The following CHODL variants were observed in gnomAD, a reference collection of about 807,000 sequenced individuals.
CHODL encodes the protein transmembrane protein MT75.
A neutral mutation model predicts 34.5 loss-of-function variants in CHODL; 29 were observed. The observed-to-expected ratio is 0.84, with a 90% CI of 0.63 to 1.15. The LOEUF is 1.15. Ranked by LOEUF, CHODL falls within the 50% of genes most tolerant of loss-of-function variation. The pLI is 0.00. For missense variants in CHODL, 332 were observed against 332.5 expected (o/e 1.00, Z 0.01); for synonymous variants, 125 against 116.1 (o/e 1.08, Z -0.49).
intron 1 of CHODL, chr21:17,917,532 G>A (rs774858791): frequency 1.3e-5 from 2 of 152,046 alleles, no homozygotes; most frequent in Non-Finnish European, 2.9e-5. Context: ...AAGGTGGAAG[G>A]AGTGTACCAG....
At chr21:18,248,673 C>CATATATGTATATATTATATACAT (rs1370047042) in intron 1 of CHODL, among the ~76,000 whole-genome samples, 9,199 of 107,150 alleles carry the variant, frequency 0.086, 533 homozygotes, top group Middle Eastern at 0.13. Flanking sequence ...ATGTATAATA[C>CATATATGTATATATTATATACAT]ATATATGTAT....
At chr21:18,129,181 C>T (rs184607625) in intron 2 of CHODL, among the ~76,000 whole-genome samples, 81 of 151,830 alleles carry the variant, frequency 5.3e-4, no homozygotes, top group Middle Eastern at 6.9e-3. Context: ...TAATGAAGTT[C>T]TACCATATAA....
chr21:17,958,581 C>T (rs2063509587), intron 1 of CHODL, among the ~76,000 whole-genome samples: 1 of 152,132 alleles, frequency 6.6e-6, no homozygotes, highest in Non-Finnish European at 1.5e-5. Context: ...TTCCATCAGA[C>T]ACTTGGTAGG....
At chr21:18,062,973 T>C (rs1216793339) in intron 2 of CHODL, among the ~76,000 whole-genome samples, 2 of 152,194 alleles carry the variant, frequency 1.3e-5, no homozygotes, top group Non-Finnish European at 2.9e-5. Flanking sequence ...AATGCTATCC[T>C]ATGATATATG....
intron 2 of CHODL, among the ~76,000 whole-genome samples, chr21:18,081,538 A>G (rs993710542): frequency 2.0e-5 from 3 of 152,036 alleles, no homozygotes; most frequent in African/African-American, 7.2e-5. Flanking sequence ...AAAATTAGCC[A>G]GGCATGGTGA....
intron 1 of CHODL, among the ~76,000 whole-genome samples, chr21:17,936,441 T>C (rs2063319760): frequency 1.3e-5 from 2 of 148,958 alleles, no homozygotes; most frequent in South Asian, 4.3e-4. Flanking sequence ...TTTTATGAAA[T>C]TAAAGATAGT....
At chr21:18,131,578 T>C (rs1034227020) in intron 2 of CHODL, among the ~76,000 whole-genome samples, 1 of 152,220 alleles carries the variant, frequency 6.6e-6, no homozygotes, top group Non-Finnish European at 1.5e-5. Context: ...GTAATTTAAG[T>C]ATGCAATATT....
chr21:18,246,108 C>A, intron 1 of CHODL: 1 of 673,846 alleles, frequency 1.5e-6, no homozygotes, highest in Non-Finnish European at 2.6e-6. Context: ...AATTACTCTC[C>A]CTTACTTTTT....
At chr21:18,210,577 C>A (rs772842606) in intron 2 of CHODL, among the ~76,000 whole-genome samples, 2 of 152,150 alleles carry the variant, frequency 1.3e-5, no homozygotes, top group Non-Finnish European at 2.9e-5. Flanking sequence ...TCTGCCTGCT[C>A]AGGTTAAAAA....
At chr21:17,958,289 GT>G (rs1053545049) in intron 1 of CHODL, among the ~76,000 whole-genome samples, 2 of 151,942 alleles carry the variant, frequency 1.3e-5, no homozygotes, top group African/African-American at 4.8e-5. Flanking sequence ...TATATTTTAT[GT>G]TTTTTGCCTT....
At chr21:18,107,243 T>C (rs772012636) in intron 2 of CHODL, among the ~76,000 whole-genome samples, 7 of 152,234 alleles carry the variant, frequency 4.6e-5, no homozygotes, top group Non-Finnish European at 1.0e-4. Context: ...GTTGCTCTTA[T>C]AGCAGCTGTA....
At chr21:18,264,194 G>A (rs1293996884) in intron 5 of CHODL, among the ~76,000 whole-genome samples, 2 of 152,108 alleles carry the variant, frequency 1.3e-5, no homozygotes, top group Non-Finnish European at 2.9e-5. Flanking sequence ...GAGGGGATGG[G>A]GAGACGCCTG....
At chr21:17,980,391 G>A (rs564030180) in intron 1 of CHODL, among the ~76,000 whole-genome samples, 1 of 152,262 alleles carries the variant, frequency 6.6e-6, no homozygotes, top group East Asian at 1.9e-4. Flanking sequence ...AGAATAATAG[G>A]ATCACTGGGT....
At chr21:17,937,351 G>T (rs1427513791) in intron 1 of CHODL, among the ~76,000 whole-genome samples, 1 of 152,166 alleles carries the variant, frequency 6.6e-6, no homozygotes, top group Non-Finnish European at 1.5e-5. Flanking sequence ...TTTGAAGTTA[G>T]ACTGTATGAA....
intron 2 of CHODL, among the ~76,000 whole-genome samples, chr21:18,208,764 T>C: frequency 6.6e-6 from 1 of 151,984 alleles, no homozygotes. Context: ...GAGGTACAAA[T>C]TTGGTTGTCT....
At chr21:18,126,520 A>G (rs1438902490) in intron 2 of CHODL, among the ~76,000 whole-genome samples, 3 of 152,134 alleles carry the variant, frequency 2.0e-5, no homozygotes, top group African/African-American at 4.8e-5. Context: ...CATTGACTCT[A>G]TAGATTGCTT....
intron 1 of CHODL, among the ~76,000 whole-genome samples, chr21:17,925,855 G>T (rs908432572): frequency 6.6e-6 from 1 of 152,038 alleles, no homozygotes; most frequent in African/African-American, 2.4e-5. Context: ...TCTTTTATTG[G>T]TTATTTTCAA....
chr21:17,946,816 C>T (rs369755409), intron 1 of CHODL, among the ~76,000 whole-genome samples: 26 of 152,192 alleles, frequency 1.7e-4, no homozygotes, highest in East Asian at 9.7e-4. Context: ...GTCTCTTATA[C>T]GCAGTATATA....
chr21:18,201,909 A>T (rs1410829310), intron 2 of CHODL, among the ~76,000 whole-genome samples: 1 of 140,580 alleles, frequency 7.1e-6, no homozygotes, highest in African/African-American at 2.7e-5. Context: ...GGTTCCCGCC[A>T]TTCTCCTGCC....
Sources: gnomAD v4.1 joint callset for allele counts (sites outside exome capture counted in the v4.1 genomes callset) on GRCh38, gnomAD v4.1.1 for gene constraint, MANE v1.5 for transcripts, NCBI Gene and HGNC (gene_info 2026-07-23, HGNC 2026-07-21) for gene names.